Variants in PRKAA1 observed in about 807,000 individuals in gnomAD.
PRKAA1 encodes the protein 5'-AMP-activated protein kinase catalytic subunit alpha-1.
A neutral mutation model predicts 56.9 loss-of-function variants in PRKAA1; 23 were observed. That is an observed-to-expected ratio of 0.40 (90% confidence interval 0.29 to 0.57). The LOEUF (loss-of-function observed/expected upper bound fraction) is 0.57. PRKAA1 is among the 20% of genes least tolerant of loss of function. The pLI, the probability that PRKAA1 is intolerant of heterozygous loss-of-function variation, is 0.39. For synonymous variants in PRKAA1, 226 were observed against 227.0 expected, an observed-to-expected ratio of 1.00 and a Z score of 0.04; for missense variants, 413 against 679.7, an observed-to-expected ratio of 0.61 and a Z score of 4.36.
chr5:40,787,405 G>C (rs142934086), intron 1 of PRKAA1, among the ~76,000 whole-genome samples: 9,431 of 151,550 alleles, frequency 0.062, 408 homozygotes, highest in Non-Finnish European at 0.096. Context: ...GTGGAGGTTG[G>C]GGTGAGCCAA....
intron 1 of PRKAA1, among the ~76,000 whole-genome samples, chr5:40,791,462 A>C (rs1744714341): frequency 6.6e-6 from 1 of 152,214 alleles, no homozygotes; most frequent in Non-Finnish European, 1.5e-5. Context: ...ATTGCTATCT[A>C]AAGGGAACTT....
At chr5:40,776,459 A>C (rs1744009437) in intron 2 of PRKAA1, among the ~76,000 whole-genome samples, 1 of 152,234 alleles carries the variant, frequency 6.6e-6, no homozygotes, top group Admixed American at 6.5e-5. Flanking sequence ...TGGTGTAAGA[A>C]GAGATCTTAA....
In PRKAA1 at chr5:40,762,872, T is replaced by G; in HGVS notation, c.1586A>C (p.Asp529Ala). Residue 529 changes from aspartate to alanine, a missense_variant, in exon 9 of 9, where the codon GAC (aspartate) becomes GCC (alanine). By Grantham distance (126) the Asp-to-Ala change is moderately radical. Transcript: ENST00000397128. Reference sequence around the variant, plus strand: ...TGGAGTTAGGTCAACAGGAGAAGAGTCAAGTGAGGTCACAGATGAGGTAAG... The same window carrying G: ...TGGAGTTAGGTCAACAGGAGAAGAGGCAAGTGAGGTCACAGATGAGGTAAG... The part of the protein sequence containing the change: ...VSLTSSVTSL[D>A]SSPVDLTPRP... 1 of 1,614,104 alleles carries G rather than the reference T, an allele frequency of 6.2e-7. No individual in the cohort carries two copies. The highest frequency in any genetic ancestry group is 8.5e-7 in the Non-Finnish European group (1 of 1,180,018).
Position 40,759,441 on chromosome 5 carries a change from T to C in PRKAA1, c.*3337A>G, listed in dbSNP as rs941158795. ...TATTTCTAAATCAAGGAAGCTGAAA[T>C]TATATACTTAAATATACTCTGGTCA... On this transcript the variant is annotated 3_prime_UTR_variant, in exon 9 of 9. Coordinates refer to ENST00000397128, the MANE Select transcript of PRKAA1 (RefSeq NM_006251.6). The C allele has an allele frequency of 1.3e-5, 2 of 152,274 alleles. No individual in the cohort carries two copies. Among genetic ancestry groups the C allele is most frequent in the African/African-American group, 4.8e-5 (2 of 41,432 alleles). The allele number at this position is 152,274 out of a possible 1,614,324, so 9.4% of individuals were successfully genotyped here. A position where few individuals can be genotyped will look rare whatever the true frequency, so the allele number is the denominator to read the frequency against.
intron 1 of PRKAA1, among the ~76,000 whole-genome samples, chr5:40,779,765 T>G (rs1202733048): frequency 6.6e-6 from 1 of 152,134 alleles, no homozygotes; most frequent in Non-Finnish European, 1.5e-5. Flanking sequence ...ATTTTATCTT[T>G]CACAAATACA....
chr5:40,763,613 G>T (rs1344707330), intron 8 of PRKAA1, among the ~76,000 whole-genome samples: 1 of 152,062 alleles, frequency 6.6e-6, no homozygotes, highest in Non-Finnish European at 1.5e-5. Context: ...ACTAAGGTTG[G>T]GAACACAGTA....
At position 40,762,741 on chromosome 5, in the gene PRKAA1, G is replaced by A. The variant is rs1485530426; in HGVS notation, c.*37C>T. 1 of 1,607,936 alleles carries A rather than the reference G, an allele frequency of 6.2e-7. No individual in the cohort carries two copies. The highest frequency in any genetic ancestry group is 1.7e-5 in the Admixed American group (1 of 59,760). On this transcript the variant is annotated 3_prime_UTR_variant, in exon 9 of 9. Transcript: ENST00000397128. ...CATTTGGCTGTGACTTATTATGCAT[G>A]CTTATTGCTGCAAAAGAAATAAGCA...
At chr5:40,785,837 CACAGAG>C (rs1306378386) in intron 1 of PRKAA1, among the ~76,000 whole-genome samples, 1,079 of 52,336 alleles carry the variant, frequency 0.021, 12 homozygotes, top group African/African-American at 0.053. Flanking sequence ...CACACACACA[CACAGAG>C]AGAGAGAGAG....
intron 1 of PRKAA1, among the ~76,000 whole-genome samples, chr5:40,780,572 C>T (rs913927442): frequency 6.6e-6 from 1 of 152,118 alleles, no homozygotes; most frequent in Non-Finnish European, 1.5e-5. Context: ...GAGACCCTGG[C>T]ATGCTGGTAG....
chr5:40,779,679 T>A (rs1264187641), intron 1 of PRKAA1, among the ~76,000 whole-genome samples: 4 of 152,120 alleles, frequency 2.6e-5, no homozygotes, highest in African/African-American at 9.7e-5. Context: ...ACAAGATCGA[T>A]CAAAAACTGC....
chr5:40,784,049 C>T (rs1744371271), intron 1 of PRKAA1, among the ~76,000 whole-genome samples: 4 of 152,240 alleles, frequency 2.6e-5, no homozygotes, highest in African/African-American at 9.6e-5. Context: ...ATAACAGATA[C>T]ATGGAATAGT....
intron 1 of PRKAA1, among the ~76,000 whole-genome samples, chr5:40,784,801 A>T (rs933828874): frequency 6.6e-6 from 1 of 152,174 alleles, no homozygotes; most frequent in African/African-American, 2.4e-5. Context: ...AGATGAAATA[A>T]CTTGCCCAAA....
At chr5:40,780,313 C>G (rs1423466505) in intron 1 of PRKAA1, among the ~76,000 whole-genome samples, 1 of 152,114 alleles carries the variant, frequency 6.6e-6, no homozygotes, top group Non-Finnish European at 1.5e-5. Context: ...TGCAAGGGAA[C>G]AATTTCACAG....
intron 6 of PRKAA1, 102 bp from the exon 7 acceptor site, chr5:40,765,340 T>C (rs1743378736): frequency 1.5e-6 from 2 of 1,323,578 alleles, no homozygotes; most frequent in African/African-American, 3.0e-5. Context: ...TATATTTATA[T>C]TCATACTGTA....
At chr5:40,776,831 G>T (rs749081355) in intron 2 of PRKAA1, among the ~76,000 whole-genome samples, 3 of 152,132 alleles carry the variant, frequency 2.0e-5, no homozygotes, top group Non-Finnish European at 4.4e-5. Context: ...TGGAGGTCAA[G>T]AGTTTTTACT....
chr5:40,761,635 A>G lies in PRKAA1; in HGVS notation c.*1143T>C, dbSNP rs766696335. ...GGGGGGAAGTCATATCAGAGCACTTAAAGTTTGTAAGAGATAGTTTTCTAT... is the reference window on the plus strand; with the variant it reads ...GGGGGGAAGTCATATCAGAGCACTTGAAGTTTGTAAGAGATAGTTTTCTAT... On this transcript the variant is annotated 3_prime_UTR_variant, in exon 9 of 9. Transcript: ENST00000397128. The G allele has an allele frequency of 1.8e-4, 28 of 152,220 alleles. No homozygotes were observed. The highest frequency in any genetic ancestry group is 3.2e-4 in the Non-Finnish European group (22 of 68,014). 9.4% of individuals were successfully genotyped at this position (152,220 alleles called of 1,614,324 possible). A position where few individuals can be genotyped will look rare whatever the true frequency, so the allele number is the denominator to read the frequency against.
At chr5:40,774,417 G>T (rs940075954) in intron 3 of PRKAA1, among the ~76,000 whole-genome samples, 1 of 151,942 alleles carries the variant, frequency 6.6e-6, no homozygotes, top group Non-Finnish European at 1.5e-5. Context: ...GAAAATACGG[G>T]TGCTGAAATT....
At chr5:40,797,939 G>A in intron 1 of PRKAA1, 124 bp downstream of exon 1, 3 of 1,472,348 alleles carry the variant, frequency 2.0e-6, no homozygotes, top group South Asian at 1.2e-5. Flanking sequence ...GCAGGATCCG[G>A]GACAGGGGCT....
chr5:40,788,405 C>T (rs1357182119), intron 1 of PRKAA1, among the ~76,000 whole-genome samples: 1 of 152,166 alleles, frequency 6.6e-6, no homozygotes, highest in Non-Finnish European at 1.5e-5. Context: ...AATTACAAAT[C>T]TACTAGAAGA....
Sources: allele counts gnomAD v4.1 joint callset (sites outside exome capture counted in the v4.1 genomes callset), GRCh38; gene constraint gnomAD v4.1.1; transcripts MANE v1.5; gene names NCBI Gene and HGNC (gene_info 2026-07-23, HGNC 2026-07-21).